The following CACNA2D3 variants were observed in gnomAD, a reference collection of about 807,000 sequenced individuals.
The protein encoded by CACNA2D3 is calcium voltage-gated channel auxiliary subunit alpha2delta 3.
Under a neutral mutation model 160.6 loss-of-function variants are expected in CACNA2D3, and 60 were observed. That is an observed-to-expected ratio of 0.37 (90% CI 0.30 to 0.46). The LOEUF (loss-of-function observed/expected upper bound fraction) is 0.46, where lower values mean the gene tolerates loss of function less well. Among genes scored for constraint, CACNA2D3 ranks in the 20% least tolerant of loss-of-function variants. The probability of loss-of-function intolerance (pLI) is 1.00; values close to 1 mark genes in which losing one functional copy is unlikely to be tolerated. For missense variants in CACNA2D3, 1,205 were observed against 1,365.0 expected (o/e 0.88, Z 1.85); for synonymous variants, 558 against 492.9 (o/e 1.13, Z -1.75).
rs181788348 is a variant in CACNA2D3, at chr3:54,438,694, T to C, written c.381+51920T>C. On this transcript the variant is annotated intron_variant, in intron 4 of 37. Transcript: ENST00000474759. Reference sequence around the variant, plus strand: ...CAGCTATTATCATTCTAAATTTGCATAAAAGTAATCATAATAGTGAGAGAC... The same window carrying C: ...CAGCTATTATCATTCTAAATTTGCACAAAAGTAATCATAATAGTGAGAGAC... Among the ~76,000 whole-genome samples, 463 of 152,320 alleles carry C rather than the reference T, an allele frequency of 3.0e-3. 1 individual carries two copies. The highest frequency in any genetic ancestry group is 0.01 in the Middle Eastern group (3 of 294).
chr3:54,790,331 A>G (rs1394645396), intron 13 of CACNA2D3, among the ~76,000 whole-genome samples: 1 of 152,138 alleles, frequency 6.6e-6, no homozygotes, highest in African/African-American at 2.4e-5. Context: ...GTGGCAGCCA[A>G]AGTAGGGTTG....
chr3:54,726,931 A>C (rs945210590), intron 11 of CACNA2D3, among the ~76,000 whole-genome samples: 8 of 152,258 alleles, frequency 5.3e-5, no homozygotes. Context: ...AATTAAACTA[A>C]AGAGCTTCTG....
chr3:54,905,610 C>T (rs1700433870), intron 27 of CACNA2D3, among the ~76,000 whole-genome samples: 1 of 152,126 alleles, frequency 6.6e-6, no homozygotes, highest in Non-Finnish European at 1.5e-5. Flanking sequence ...CAGTAGTTTC[C>T]AACCGGGGGT....
In CACNA2D3 at chr3:54,900,022, C is replaced by T. The variant is rs553208324; in HGVS notation, c.2449+154C>T. Among the ~76,000 whole-genome samples, 5 of 152,280 alleles carry T rather than the reference C, an allele frequency of 3.3e-5. No individual in the cohort carries two copies. In the South Asian group the frequency reaches 1.0e-3, roughly 32 times the overall value. On this transcript the variant is annotated intron_variant, in intron 27 of 37. Coordinates refer to ENST00000474759, the MANE Select transcript of CACNA2D3 (RefSeq NM_018398.3). ...CTTCCTTCTCAGCTTGGTGTCATCT[C>T]CTTCAAACCAAGACTCTGACAGCTG...
chr3:54,293,159 C>G (rs1421797856), intron 2 of CACNA2D3, among the ~76,000 whole-genome samples: 1 of 152,084 alleles, frequency 6.6e-6, no homozygotes, highest in Non-Finnish European at 1.5e-5. Context: ...ATAGAGGTTA[C>G]CAGGAACTGA....
At chr3:55,037,614 T>G (rs375781671) in intron 35 of CACNA2D3, among the ~76,000 whole-genome samples, 97 of 152,330 alleles carry the variant, frequency 6.4e-4, no homozygotes, top group African/African-American at 2.3e-3. Context: ...CAGCGATGGA[T>G]TTCTCCAGAT....
intron 2 of CACNA2D3, among the ~76,000 whole-genome samples, chr3:54,256,804 G>C: frequency 6.7e-6 from 1 of 148,900 alleles, no homozygotes; most frequent in East Asian, 2.0e-4. Context: ...TCTACAAAAT[G>C]AGCTGTCTTC....
At chr3:54,512,884 G>T (rs896099389) in intron 5 of CACNA2D3, among the ~76,000 whole-genome samples, 6 of 152,212 alleles carry the variant, frequency 3.9e-5, no homozygotes, top group Admixed American at 3.9e-4. Flanking sequence ...CATGGCTGGG[G>T]AGGCCTCACA....
intron 2 of CACNA2D3, among the ~76,000 whole-genome samples, chr3:54,182,229 G>A (rs1303189486): frequency 6.6e-6 from 1 of 152,186 alleles, no homozygotes; most frequent in African/African-American, 2.4e-5. Context: ...TCAGCATTCA[G>A]TAATCCTGTC....
intron 2 of CACNA2D3, among the ~76,000 whole-genome samples, chr3:54,171,136 C>CTTTTTTTTTTTTTTTTTTTTTGTTT (rs1700558742): frequency 1.6e-5 from 1 of 62,542 alleles, no homozygotes; most frequent in Non-Finnish European, 2.9e-5. Context: ...AAGATGATGA[C>CTTTTTTTTTTTTTTTTTTTTTGTTT]TTTTTTTTTT....
chr3:54,880,654 G>T lies in CACNA2D3; in HGVS notation c.1845-142G>T, dbSNP rs538905681. The T allele has an allele frequency of 1.0e-4, 78 of 759,440 alleles. 3 individuals carry two copies. The South Asian group carries it at 1.2e-3, about 12-fold the overall frequency. The allele number at this position is 759,440 out of a possible 1,614,324, so 47.0% of individuals were successfully genotyped here. A position where few individuals can be genotyped will look rare whatever the true frequency, so the allele number is the denominator to read the frequency against. On this transcript the variant is annotated intron_variant, in intron 20 of 37. Transcript: ENST00000474759. The stretch of plus-strand genomic sequence containing the variant: ...ACCAACACCAGTGATAATCAGTGGG[G>T]TTTTGAAAGTAAACAGTTGGAAAAA...
At chr3:54,171,799 C>A (rs570803049) in intron 2 of CACNA2D3, among the ~76,000 whole-genome samples, 2 of 152,324 alleles carry the variant, frequency 1.3e-5, no homozygotes, top group East Asian at 3.9e-4. Context: ...TTATTCGAGG[C>A]TGAACTTCTT....
intron 13 of CACNA2D3, among the ~76,000 whole-genome samples, chr3:54,795,101 T>C (rs551672046): frequency 3.4e-4 from 52 of 152,272 alleles, no homozygotes; most frequent in African/African-American, 1.3e-3. Flanking sequence ...CTCTGTGTGC[T>C]TCATTTCTTA....
intron 2 of CACNA2D3, among the ~76,000 whole-genome samples, chr3:54,311,655 T>C (rs970149500): frequency 6.6e-6 from 1 of 152,142 alleles, no homozygotes; most frequent in Non-Finnish European, 1.5e-5. Flanking sequence ...GGTGCAAGTT[T>C]ACATAGAAAT....
intron 9 of CACNA2D3, among the ~76,000 whole-genome samples, chr3:54,620,964 G>C (rs72868885): frequency 0.013 from 1,911 of 152,340 alleles, 44 homozygotes; most frequent in African/African-American, 0.044. Flanking sequence ...GGAGGGCTTG[G>C]TGACGTGACT....
intron 2 of CACNA2D3, among the ~76,000 whole-genome samples, chr3:54,216,457 A>G (rs1577004674): frequency 6.6e-6 from 1 of 152,362 alleles, no homozygotes; most frequent in South Asian, 2.1e-4. Context: ...TTGCATGGAC[A>G]GGTTGTTATC....
chr3:54,162,922 G>A (rs535328074), intron 2 of CACNA2D3, among the ~76,000 whole-genome samples: 46 of 152,314 alleles, frequency 3.0e-4, no homozygotes, highest in African/African-American at 9.6e-4. Context: ...AATAGGGTAA[G>A]GGGATAGAGA....
At chr3:54,811,791 A>G (rs1271996986) in intron 13 of CACNA2D3, among the ~76,000 whole-genome samples, 9 of 152,142 alleles carry the variant, frequency 5.9e-5, no homozygotes, top group Admixed American at 3.9e-4. Flanking sequence ...ATGAGCCACC[A>G]TGCCCGGCCT....
intron 31 of CACNA2D3, among the ~76,000 whole-genome samples, chr3:55,000,905 C>G (rs1468004028): frequency 1.3e-5 from 2 of 152,172 alleles, no homozygotes; most frequent in East Asian, 1.9e-4. Flanking sequence ...TCTGTCAGAG[C>G]CTGCTTCTGA....
Sources: gnomAD v4.1 joint callset for allele counts (sites outside exome capture counted in the v4.1 genomes callset) on GRCh38, gnomAD v4.1.1 for gene constraint, MANE v1.5 for transcripts, NCBI Gene and HGNC (gene_info 2026-07-23, HGNC 2026-07-21) for gene names.